Variants in MYO16 observed in about 807,000 individuals in gnomAD.
The protein encoded by MYO16 is myosin XVI, also known as unconventional myosin-XVI.
Under a neutral mutation model 205.3 loss-of-function variants are expected in MYO16, and 94 were observed. The ratio of observed to expected loss-of-function variants is 0.46; its 90% CI spans 0.39 to 0.54. MYO16 has a LOEUF of 0.54. Ranked by LOEUF, MYO16 falls within the 20% of genes least tolerant of loss-of-function variation. The pLI is 0.00. For missense variants in MYO16, 2,315 were observed against 2,387.5 expected (o/e 0.97, Z 0.63); for synonymous variants, 988 against 954.0 (o/e 1.04, Z -0.66).
chr13:108,644,361 T>C (rs1880644569), intron 1 of MYO16, among the ~76,000 whole-genome samples: 1 of 121,046 alleles, frequency 8.3e-6, no homozygotes, highest in African/African-American at 3.3e-5. Flanking sequence ...TCTGTCTGTC[T>C]GTCTATCTAT....
Position 108,887,877 on chromosome 13 carries a change from C to T in MYO16, c.1554-495C>T, listed in dbSNP as rs144968830. Among the ~76,000 whole-genome samples the T allele has an allele frequency of 6.0e-3, 908 of 152,066 alleles. 9 individuals carry two copies. Among genetic ancestry groups the T allele is most frequent in the Non-Finnish European group, 9.7e-3 (658 of 68,006 alleles). ...TTCCACAGAAGAGGTAACGTCTCTC[C>T]TGTAAGGCCCATGAAGCATGAACAG... On this transcript the variant is annotated intron_variant, in intron 13 of 34. Coordinates refer to ENST00000457511, the MANE Select transcript of MYO16 (RefSeq NM_001198950.3).
At chr13:108,696,671 T>G (rs1008378042) in intron 2 of MYO16, among the ~76,000 whole-genome samples, 4 of 152,178 alleles carry the variant, frequency 2.6e-5, no homozygotes, top group Non-Finnish European at 4.4e-5. Context: ...GTTACACAGG[T>G]GTATATACAG....
chr13:108,527,271 G>A, the MYO16 span, among the ~76,000 whole-genome samples: 2 of 151,964 alleles, frequency 1.3e-5, no homozygotes, highest in East Asian at 3.9e-4. Context: ...CTTAGCAAAG[G>A]GATTTCATTT....
chr13:108,824,134 C>A (rs985098215), intron 9 of MYO16, among the ~76,000 whole-genome samples: 1 of 151,916 alleles, frequency 6.6e-6, no homozygotes, highest in African/African-American at 2.4e-5. Context: ...ATTTTAAAGG[C>A]CTTCATGAAC....
At chr13:108,713,223 G>A (rs1883794509) in intron 3 of MYO16, among the ~76,000 whole-genome samples, 1 of 152,094 alleles carries the variant, frequency 6.6e-6, no homozygotes, top group Non-Finnish European at 1.5e-5. Flanking sequence ...AGATTCGTGT[G>A]CAAGAAATTG....
chr13:108,707,958 G>A (rs752928245), intron 2 of MYO16, among the ~76,000 whole-genome samples: 12 of 152,072 alleles, frequency 7.9e-5, no homozygotes, highest in Non-Finnish European at 1.5e-4. Context: ...GATTTTGGAG[G>A]ACAAAAACTC....
intron 16 of MYO16, among the ~76,000 whole-genome samples, chr13:108,918,705 G>A (rs9559444): frequency 0.19 from 28,455 of 152,196 alleles, 2,945 homozygotes; most frequent in East Asian, 0.5. Context: ...TTGGGAGGCC[G>A]AGGCGGGCAG....
chr13:109,185,139 T>C (rs1028201766), intron 34 of MYO16, among the ~76,000 whole-genome samples: 1 of 152,206 alleles, frequency 6.6e-6, no homozygotes, highest in Admixed American at 6.5e-5. Flanking sequence ...ATGGGAAACC[T>C]GCAGTTAGCA....
intron 2 of MYO16, among the ~76,000 whole-genome samples, chr13:108,695,169 CTTCATCCTCTTTGAG>C (rs1883042412): frequency 6.6e-6 from 1 of 152,120 alleles, no homozygotes; most frequent in Non-Finnish European, 1.5e-5. Flanking sequence ...TATTTATGTC[CTTCATCCTCTTTGAG>C]TTATTAGTTT....
intron 1 of MYO16, among the ~76,000 whole-genome samples, chr13:108,620,400 C>T (rs1310449817): frequency 6.6e-6 from 1 of 152,030 alleles, no homozygotes; most frequent in African/African-American, 2.4e-5. Context: ...ATGTTGAAGC[C>T]ACACTGAAGA....
At chr13:108,807,477 A>C (rs1887152032) in intron 7 of MYO16, among the ~76,000 whole-genome samples, 1 of 152,218 alleles carries the variant, frequency 6.6e-6, no homozygotes, top group African/African-American at 2.4e-5. Context: ...TTCAATAAAT[A>C]TATTTAAGGA....
At chr13:108,945,563 A>G (rs1430551632) in intron 16 of MYO16, among the ~76,000 whole-genome samples, 1 of 152,098 alleles carries the variant, frequency 6.6e-6, no homozygotes, top group African/African-American at 2.4e-5. Context: ...TTCTTTTTTT[A>G]TCTTGACTTA....
chr13:108,858,088 G>C (rs933060746), intron 11 of MYO16, among the ~76,000 whole-genome samples: 6 of 152,144 alleles, frequency 3.9e-5, no homozygotes, highest in African/African-American at 7.2e-5. Context: ...ATGACAATAT[G>C]TGCTTCCCAA....
At chr13:108,725,072 A>G (rs1027841376) in intron 3 of MYO16, among the ~76,000 whole-genome samples, 1 of 152,116 alleles carries the variant, frequency 6.6e-6, no homozygotes, top group Non-Finnish European at 1.5e-5. Context: ...TTCTTCTGAA[A>G]TATCTAGTCT....
At chr13:109,036,791 T>A (rs1886731851) in intron 23 of MYO16, among the ~76,000 whole-genome samples, 1 of 151,984 alleles carries the variant, frequency 6.6e-6, no homozygotes, top group African/African-American at 2.4e-5. Context: ...GAAGGAAAAA[T>A]AAATACATAA....
intron 25 of MYO16, 49 bp downstream of exon 25, chr13:109,052,524 A>G (rs1887278958): frequency 1.4e-6 from 2 of 1,391,928 alleles, no homozygotes; most frequent in East Asian, 2.3e-5. Context: ...TTTGATAAGT[A>G]TATTTGCTTC....
intron 9 of MYO16, among the ~76,000 whole-genome samples, chr13:108,842,574 G>C (rs570433985): frequency 2.6e-5 from 4 of 152,084 alleles, no homozygotes; most frequent in Non-Finnish European, 5.9e-5. Context: ...CACCTGTAAG[G>C]AAGACAATTA....
intron 10 of MYO16, among the ~76,000 whole-genome samples, chr13:108,849,967 T>G (rs1400873488): frequency 6.7e-6 from 1 of 150,330 alleles, no homozygotes; most frequent in Non-Finnish European, 1.5e-5. Context: ...TTTCCTCTTT[T>G]TTTGTGTGTG....
chr13:108,847,884 C>T (rs1402075104), intron 10 of MYO16, among the ~76,000 whole-genome samples: 1 of 152,052 alleles, frequency 6.6e-6, no homozygotes, highest in African/African-American at 2.4e-5. Context: ...TCTTATTTTC[C>T]CTCTTTCCTC....
Sources: gnomAD v4.1 joint callset for allele counts (sites outside exome capture counted in the v4.1 genomes callset) on GRCh38, gnomAD v4.1.1 for gene constraint, MANE v1.5 for transcripts, NCBI Gene and HGNC (gene_info 2026-07-23, HGNC 2026-07-21) for gene names.